Variants in ROBO2 observed in about 807,000 individuals in gnomAD.
ROBO2 encodes the protein roundabout guidance receptor 2, also known as roundabout homolog 2.
A neutral mutation model predicts 160.8 loss-of-function variants in ROBO2; 53 were observed. That is an observed-to-expected ratio of 0.33 (90% CI 0.26 to 0.41). The LOEUF (loss-of-function observed/expected upper bound fraction) is 0.41. ROBO2 is among the 10% of genes least tolerant of loss of function. The probability of loss-of-function intolerance (pLI) is 1.00; values close to 1 mark genes in which losing one functional copy is unlikely to be tolerated. For missense variants in ROBO2, 1,577 were observed against 1,722.4 expected, an observed-to-expected ratio of 0.92 and a Z score of 1.49; for synonymous variants, 664 against 611.7, an observed-to-expected ratio of 1.09 and a Z score of -1.26.
chr3:76,570,326 T>C (rs1239868097), intron 2 of ROBO2, among the ~76,000 whole-genome samples: 3 of 152,186 alleles, frequency 2.0e-5, no homozygotes, highest in African/African-American at 7.2e-5. Context: ...AAACTGTTAA[T>C]GCATCTGTGG....
intron 2 of ROBO2, among the ~76,000 whole-genome samples, chr3:76,594,966 T>C (rs1234403064): frequency 6.6e-6 from 1 of 151,990 alleles, no homozygotes; most frequent in African/African-American, 2.4e-5. Flanking sequence ...GTTATGGTAT[T>C]TGGAGGTGGA....
intron 2 of ROBO2, among the ~76,000 whole-genome samples, chr3:76,536,615 C>T (rs2082519300): frequency 6.6e-6 from 1 of 152,066 alleles, no homozygotes; most frequent in Non-Finnish European, 1.5e-5. Flanking sequence ...CTGCTATTCC[C>T]ATCGGGGATC....
intron 2 of ROBO2, among the ~76,000 whole-genome samples, chr3:77,029,940 C>T (rs1464875189): frequency 1.3e-5 from 2 of 151,728 alleles, no homozygotes; most frequent in African/African-American, 2.4e-5. Context: ...CATAAAAATG[C>T]CATTCAGTTC....
At chr3:76,386,327 TTCCCTCCC>T (rs1179625016) in intron 2 of ROBO2, among the ~76,000 whole-genome samples, 5,594 of 122,704 alleles carry the variant, frequency 0.046, 339 homozygotes, top group African/African-American at 0.16. Flanking sequence ...CCTTCCCTCC[TTCCCTCCC>T]TCCCTCCCTC....
At chr3:76,302,831 T>C (rs994388231) in intron 2 of ROBO2, among the ~76,000 whole-genome samples, 1 of 152,056 alleles carries the variant, frequency 6.6e-6, no homozygotes. Context: ...ATCTAAGCAA[T>C]GCATGACTGT....
chr3:77,261,943 C>G (rs919175316), intron 2 of ROBO2, among the ~76,000 whole-genome samples: 1 of 151,860 alleles, frequency 6.6e-6, no homozygotes, highest in Non-Finnish European at 1.5e-5. Flanking sequence ...TGATTTCATT[C>G]TTTGTGTGAA....
intron 2 of ROBO2, among the ~76,000 whole-genome samples, chr3:76,560,884 C>G (rs1490850787): frequency 6.8e-6 from 1 of 146,520 alleles, no homozygotes; most frequent in Non-Finnish European, 1.5e-5. Flanking sequence ...ATGAGGGTAT[C>G]ATGAGCTTGA....
intron 2 of ROBO2, among the ~76,000 whole-genome samples, chr3:77,197,491 G>A (rs2082412855): frequency 1.3e-5 from 2 of 152,174 alleles, no homozygotes; most frequent in South Asian, 4.1e-4. Flanking sequence ...TTTGATTATG[G>A]AATCTATTTA....
chr3:76,354,746 A>C (rs2075058007), intron 2 of ROBO2, among the ~76,000 whole-genome samples: 1 of 151,926 alleles, frequency 6.6e-6, no homozygotes, highest in African/African-American at 2.4e-5. Flanking sequence ...ATGAAGGAAA[A>C]GTCACTTCTT....
intron 2 of ROBO2, among the ~76,000 whole-genome samples, chr3:76,489,846 C>T (rs1048494134): frequency 2.0e-5 from 3 of 151,822 alleles, no homozygotes; most frequent in African/African-American, 7.3e-5. Context: ...GGTATTTTTG[C>T]ACTTATTGAA....
intron 2 of ROBO2, among the ~76,000 whole-genome samples, chr3:76,181,494 C>T (rs1325612938): frequency 6.6e-6 from 1 of 152,070 alleles, no homozygotes; most frequent in Non-Finnish European, 1.5e-5. Context: ...GACTTCCATG[C>T]TTTAAAATGC....
intron 2 of ROBO2, among the ~76,000 whole-genome samples, chr3:76,219,567 A>G (rs1247679131): frequency 1.3e-5 from 2 of 152,242 alleles, no homozygotes; most frequent in African/African-American, 4.8e-5. Flanking sequence ...CAACAGACAC[A>G]TGAAAAAAAT....
intron 2 of ROBO2, among the ~76,000 whole-genome samples, chr3:76,280,466 G>T (rs1708171299): frequency 6.6e-6 from 1 of 152,012 alleles, no homozygotes; most frequent in African/African-American, 2.4e-5. Context: ...AAGCCAGAAA[G>T]AGAGCCCTTA....
chr3:76,718,303 A>G (rs556060429), intron 2 of ROBO2, among the ~76,000 whole-genome samples: 1 of 152,362 alleles, frequency 6.6e-6, no homozygotes, highest in African/African-American at 2.4e-5. Flanking sequence ...AGAGCAGATC[A>G]TGTAATGCTA....
intron 2 of ROBO2, among the ~76,000 whole-genome samples, chr3:76,196,486 G>A (rs1289394748): frequency 6.6e-6 from 1 of 152,028 alleles, no homozygotes; most frequent in Non-Finnish European, 1.5e-5. Context: ...TTGATCCTAA[G>A]TGACTGAACA....
At chr3:77,165,018 G>T (rs1428217542) in intron 2 of ROBO2, among the ~76,000 whole-genome samples, 1 of 151,916 alleles carries the variant, frequency 6.6e-6, no homozygotes, top group Non-Finnish European at 1.5e-5. Context: ...TTACTGGGAG[G>T]TGAGGAGCCC....
At chr3:77,375,851 A>AGTAGTGTACAGTAGTGTTCAGTACAC (rs772645673) in intron 2 of ROBO2, among the ~76,000 whole-genome samples, 1 of 152,156 alleles carries the variant, frequency 6.6e-6, no homozygotes, top group Non-Finnish European at 1.5e-5. Flanking sequence ...ACACATAGAA[A>AGTAGTGTACAGTAGTGTTCAGTACAC]AAATAGTACT....
intron 2 of ROBO2, among the ~76,000 whole-genome samples, chr3:77,346,963 G>C (rs2067724009): frequency 6.6e-6 from 1 of 152,154 alleles, no homozygotes; most frequent in African/African-American, 2.4e-5. Flanking sequence ...TTTAAGGTCA[G>C]CTGGTAAGTA....
At chr3:76,765,363 T>C (rs2061521258) in intron 2 of ROBO2, among the ~76,000 whole-genome samples, 1 of 151,692 alleles carries the variant, frequency 6.6e-6, no homozygotes, top group Non-Finnish European at 1.5e-5. Context: ...TTTAGTGGGG[T>C]ACCCCAGACT....
Sources: gnomAD v4.1 joint callset for allele counts (sites outside exome capture counted in the v4.1 genomes callset) on GRCh38, gnomAD v4.1.1 for gene constraint, MANE v1.5 for transcripts, NCBI Gene and HGNC (gene_info 2026-07-23, HGNC 2026-07-21) for gene names.